The following PDE1C variants were observed in gnomAD, a reference collection of about 807,000 sequenced individuals.
PDE1C encodes dual specificity calcium/calmodulin-dependent 3',5'-cyclic nucleotide phosphodiesterase 1C.
In PDE1C, 62 loss-of-function variants were observed where a neutral mutation model predicts 93.1. That is an observed-to-expected ratio of 0.67 (90% CI 0.54 to 0.82). PDE1C has a LOEUF of 0.82. Among genes scored for constraint, PDE1C ranks in the 40% least tolerant of loss-of-function variants. PDE1C has a pLI of 0.00. For synonymous variants in PDE1C, 325 were observed against 310.1 expected (o/e 1.05, Z -0.50); for missense variants, 742 against 884.6 (o/e 0.84, Z 2.04).
chr7:31,756,458 G>A (rs551051969), intron 17 of PDE1C, among the ~76,000 whole-genome samples: 30 of 152,292 alleles, frequency 2.0e-4, no homozygotes, highest in African/African-American at 7.0e-4. Context: ...CTGAGGAACT[G>A]TCACATCCAA....
chr7:32,004,515 G>C (rs1258607272), intron 2 of PDE1C, among the ~76,000 whole-genome samples: 1 of 152,188 alleles, frequency 6.6e-6, no homozygotes, highest in African/African-American at 2.4e-5. Flanking sequence ...GTCCAAGTGA[G>C]TCCTGGGGGT....
rs555731318 is a variant in PDE1C, at chr7:32,366,984, G to A, written c.310+60838C>T. ...GTGGAGTTTGCAGTGAGCTGAGATC[G>A]CACCATTGCACTCCAGCCTGGGTGA... On this transcript the variant is annotated intron_variant, in intron 1 of 1. Coordinates refer to the PDE1C transcript ENST00000672256. 4.8e-4 allele frequency among the ~76,000 whole-genome samples: 73 copies of A among 151,980 alleles called. No individual in the cohort carries two copies. In the Middle Eastern group the frequency reaches 0.01, roughly 21 times the overall value.
chr7:31,629,912 C>T, the PDE1C span, among the ~76,000 whole-genome samples: 2 of 151,920 alleles, frequency 1.3e-5, no homozygotes, highest in Non-Finnish European at 2.9e-5. Flanking sequence ...ACAGGTAAGG[C>T]AAAGTCTAAA....
chr7:32,041,861 C>T (rs1404466336), intron 2 of PDE1C, among the ~76,000 whole-genome samples: 11 of 152,068 alleles, frequency 7.2e-5, no homozygotes, highest in Admixed American at 5.9e-4. Flanking sequence ...AACTTTCAAA[C>T]ATAAAATGTC....
At chr7:32,199,284 T>C (rs1804839383) in intron 2 of PDE1C, among the ~76,000 whole-genome samples, 1 of 152,176 alleles carries the variant, frequency 6.6e-6, no homozygotes, top group Non-Finnish European at 1.5e-5. Context: ...ATTTTCCTGA[T>C]TGAAACTGGG....
chr7:31,627,934 C>G, the PDE1C span, among the ~76,000 whole-genome samples: 1 of 152,096 alleles, frequency 6.6e-6, no homozygotes, highest in Non-Finnish European at 1.5e-5. Flanking sequence ...AAGGGTTTAA[C>G]TGAAGAGAGT....
intron 2 of PDE1C, among the ~76,000 whole-genome samples, chr7:31,964,509 C>T (rs1809576289): frequency 6.6e-6 from 1 of 152,234 alleles, no homozygotes; most frequent in Admixed American, 6.5e-5. Context: ...CTGCCTGCCT[C>T]TGTAGGCTCC....
rs541078051 is a variant in PDE1C at position 32,164,220 on chromosome 7, G to A, written c.308+5565C>T. On this transcript the variant is annotated intron_variant, in intron 3 of 18. Transcript: ENST00000396193. ...CAGGATTCCCCAAGGAATTCATTTA[G>A]ACATAAGGTTTGAGAAGCAGTGCCT... is the stretch of plus-strand genomic sequence containing the variant. 3.9e-5 allele frequency among the ~76,000 whole-genome samples: 6 copies of A among 152,288 alleles called. No individual in the cohort carries two copies. The South Asian group carries it at 1.2e-3, about 32-fold the overall frequency.
chr7:31,761,747 C>T (rs1398694391), intron 17 of PDE1C, among the ~76,000 whole-genome samples: 1 of 152,218 alleles, frequency 6.6e-6, no homozygotes, highest in Non-Finnish European at 1.5e-5. Flanking sequence ...GATAATTTTA[C>T]TGTACTGGAG....
At chr7:31,782,182 C>T (rs531390145) in intron 16 of PDE1C, among the ~76,000 whole-genome samples, 6 of 152,260 alleles carry the variant, frequency 3.9e-5, no homozygotes, top group African/African-American at 1.4e-4. Flanking sequence ...AAATATTATG[C>T]TGCTATTGAA....
chr7:32,111,751 G>T (rs1321818993), intron 3 of PDE1C, among the ~76,000 whole-genome samples: 2 of 152,166 alleles, frequency 1.3e-5, no homozygotes, highest in African/African-American at 4.8e-5. Context: ...GAGATTGGTA[G>T]CTCACTTTAT....
At chr7:31,922,842 T>A (rs1243886917) in intron 2 of PDE1C, among the ~76,000 whole-genome samples, 2 of 152,182 alleles carry the variant, frequency 1.3e-5, no homozygotes, top group African/African-American at 4.8e-5. Flanking sequence ...TTTATTTTTT[T>A]TAAAAATTCT....
intron 5 of PDE1C, among the ~76,000 whole-genome samples, chr7:31,875,895 T>G (rs1356110142): frequency 6.9e-6 from 1 of 145,948 alleles, no homozygotes; most frequent in Non-Finnish European, 1.5e-5. Context: ...GATTCATTAC[T>G]ATCTTACTTA....
chr7:32,336,609 A>G (rs1016339207), intron 1 of PDE1C, among the ~76,000 whole-genome samples: 3 of 152,206 alleles, frequency 2.0e-5, no homozygotes, highest in Non-Finnish European at 4.4e-5. Flanking sequence ...AAGGAAAAAA[A>G]CAAAGCTAAA....
chr7:32,100,053 T>C (rs1158959386), intron 3 of PDE1C, among the ~76,000 whole-genome samples: 2 of 152,198 alleles, frequency 1.3e-5, no homozygotes, highest in Non-Finnish European at 2.9e-5. Flanking sequence ...GTAATATGCT[T>C]ATCCCCACAG....
chr7:31,896,867 G>C (rs933539116), intron 2 of PDE1C, among the ~76,000 whole-genome samples: 1 of 152,208 alleles, frequency 6.6e-6, no homozygotes, highest in African/African-American at 2.4e-5. Flanking sequence ...AAACGACCTT[G>C]TTATGGTTTG....
chr7:31,944,759 AT>A (rs1326375387), intron 2 of PDE1C, among the ~76,000 whole-genome samples: 3 of 152,166 alleles, frequency 2.0e-5, no homozygotes. Context: ...TAAAAATTAC[AT>A]TTTTAGTTTA....
intron 2 of PDE1C, among the ~76,000 whole-genome samples, chr7:32,024,914 C>G (rs905107699): frequency 1.3e-5 from 2 of 152,242 alleles, no homozygotes; most frequent in Admixed American, 6.5e-5. Flanking sequence ...ACTGTAATGA[C>G]CTGGACAGAT....
chr7:32,015,386 T>A (rs1282878915), intron 2 of PDE1C, among the ~76,000 whole-genome samples: 1 of 152,084 alleles, frequency 6.6e-6, no homozygotes, highest in Non-Finnish European at 1.5e-5. Flanking sequence ...GCCTCACTAC[T>A]GACATTGTTA....
Sources: allele counts gnomAD v4.1 joint callset (sites outside exome capture counted in the v4.1 genomes callset), GRCh38; gene constraint gnomAD v4.1.1; transcripts MANE v1.5; gene names NCBI Gene and HGNC (gene_info 2026-07-23, HGNC 2026-07-21).